NXF1: variants seen among roughly 807,000 people sequenced by gnomAD.
NXF1 encodes the protein mRNA export factor TAP.
Under a neutral mutation model 92.4 loss-of-function variants are expected in NXF1, and 43 were observed. That is an observed-to-expected ratio of 0.47 (90% CI 0.36 to 0.60). The LOEUF is 0.60. Among genes scored for constraint, NXF1 ranks in the 20% least tolerant of loss-of-function variants. The pLI, the probability that NXF1 is intolerant of heterozygous loss-of-function variation, is 0.00. For synonymous variants in NXF1, 288 were observed against 292.2 expected (o/e 0.99, Z 0.15); for missense variants, 576 against 793.0 (o/e 0.73, Z 3.29).
chr11:62,795,846 A>C, intron 17 of NXF1, 55 bp downstream of exon 17: 1 of 1,537,522 alleles, frequency 6.5e-7, no homozygotes, highest in South Asian at 1.1e-5. Context: ...TGCTGAGGAA[A>C]ATTCCAGCTG....
chr11:62,792,218 G>A lies in NXF1; in HGVS notation c.*258C>T. On this transcript the variant is annotated 3_prime_UTR_variant, in exon 21 of 21. Transcript: ENST00000294172. ...AAAAGTAAGGAGGTCCTGGGGTTAA[G>A]TACACAAAGCACCTAAGTCCTTCGG... is the stretch of plus-strand genomic sequence containing the variant. 2 of 655,876 alleles carry A rather than the reference G, an allele frequency of 3.0e-6. No individual in the cohort carries two copies. The highest frequency in any genetic ancestry group is 5.3e-6 in the Non-Finnish European group (2 of 379,224). 40.6% of individuals were successfully genotyped at this position (655,876 alleles called of 1,614,324 possible). A position where few individuals can be genotyped will look rare whatever the true frequency, so the allele number is the denominator to read the frequency against.
chr11:62,800,508 A>C (rs770220072), intron 9 of NXF1, 22 bp from the exon 10 acceptor site: 5 of 1,578,436 alleles, frequency 3.2e-6, no homozygotes, highest in Non-Finnish European at 4.3e-6. Context: ...GGAAGGAACA[A>C]AGGGAGGAGA....
At chr11:62,794,545 C>T (rs2084401579) in intron 18 of NXF1, 105 bp from the exon 19 acceptor site, 2 of 982,812 alleles carry the variant, frequency 2.0e-6, no homozygotes, top group East Asian at 2.5e-5. Flanking sequence ...CCCCCTCCCA[C>T]TCTTAGCTAT....
rs1402389110 is a variant in NXF1 at position 62,796,126 on chromosome 11, A to G, written c.1401T>C (p.Asn467=). The G allele has an allele frequency of 4.3e-6, 7 of 1,613,736 alleles. No individual in the cohort carries two copies. Among genetic ancestry groups the G allele is most frequent in the African/African-American group, 2.7e-5 (2 of 74,782 alleles). The change falls in exon 16 of 21, where the codon AAT becomes AAC. Residue 467 remains asparagine (N), a synonymous_variant. Transcript: ENST00000294172. ...HTRLNVVAFL[N]ELPKTQHDVN... The stretch of plus-strand genomic sequence containing the variant: ...CGTCGTGCTGGGTTTTGGGCAACTC[A>G]TTGAGGAAGGCAACAACGTTGAGAC...
Position 62,792,638 on chromosome 11 carries a change from T to C in NXF1, c.1821+3A>G. On this transcript the variant is annotated splice_donor_region_variant and intron_variant, in intron 20 of 20. Coordinates refer to ENST00000294172, the MANE Select transcript of NXF1 (RefSeq NM_006362.5). ...TTTTTGCCACTGTATTTCCAGACCT[T>C]ACCTTGAGATGAGTGAAGGCCTGGG... 4 of 1,614,156 alleles carry C rather than the reference T, an allele frequency of 2.5e-6. No homozygotes were observed. Among genetic ancestry groups the C allele is most frequent in the Non-Finnish European group, 3.4e-6 (4 of 1,180,020 alleles).
chr11:62,798,755 C>T (rs2084447736), intron 10 of NXF1, 180 bp from the exon 11 acceptor site: 2 of 1,418,448 alleles, frequency 1.4e-6, no homozygotes, highest in Non-Finnish European at 1.8e-6. Flanking sequence ...CCGGGGCACC[C>T]AGACATGGAC....
Position 62,802,028 on chromosome 11 carries a change from G to T in NXF1, c.472C>A (p.Arg158=). The T allele has an allele frequency of 1.9e-6, 3 of 1,614,122 alleles. No individual in the cohort carries two copies. Among genetic ancestry groups the T allele is most frequent in the Non-Finnish European group, 2.5e-6 (3 of 1,179,950 alleles). The change falls in exon 5 of 21, where the codon CGG becomes AGG. Residue 158 remains arginine, a synonymous_variant. Transcript: ENST00000294172. ...GCGTCTTCAACGAAGAACTGGGCCC[G>T]TGTATTCTCATAGTGAAACTACAAG... ...TPIEFHYENT[R]AQFFVEDAST... is the part of the protein sequence containing the mutation.
chr11:62,801,294 C>T, intron 8 of NXF1, 35 bp downstream of exon 8: 1 of 1,610,286 alleles, frequency 6.2e-7, no homozygotes, highest in Admixed American at 1.7e-5. Flanking sequence ...ACACACCCTG[C>T]TTCCTCATGC....
At position 62,803,861 on chromosome 11, in the gene NXF1, G is replaced by A. The variant is rs1315994012; in HGVS notation, c.146C>T (p.Ser49Phe). ...RSGRGGSGIR[S>F]SRLEEDDGDV... is the part of the protein sequence containing the mutation. ...TCCATCATCTTCCTCAAGGCGGGAA[G>A]ACCGAATACCAGAACCGCCTCTTCC... The change falls in exon 2 of 21, where the codon TCT becomes TTT. Residue 49 changes from serine (S) to phenylalanine (F), a missense_variant. Around this residue, in one of 2 missense-constraint regions of NXF1, gnomAD observed 151 missense variants for 157.8 expected, o/e 0.96. Coordinates refer to ENST00000294172, the MANE Select transcript of NXF1 (RefSeq NM_006362.5). The A allele has an allele frequency of 1.2e-6, 2 of 1,614,080 alleles. No homozygotes were observed. Among genetic ancestry groups the A allele is most frequent in the African/African-American group, 1.3e-5 (1 of 74,914 alleles).
Position 62,800,903 on chromosome 11 carries a change from T to C in NXF1, c.906+191A>G, listed in dbSNP as rs576584213. 2.6e-5 allele frequency among the ~76,000 whole-genome samples: 4 copies of C among 152,348 alleles called. No individual in the cohort carries two copies. The East Asian group carries it at 7.7e-4, about 29-fold the overall frequency. On this transcript the variant is annotated intron_variant, in intron 9 of 20. Coordinates refer to ENST00000294172, the MANE Select transcript of NXF1 (RefSeq NM_006362.5). ...TCCCACCTCAGCCCCCTGGGGCAGC[T>C]TGGACTAGAGGCGTGCAAACTCCTA...
At position 62,801,876 on chromosome 11, in the gene NXF1, C is replaced by A; in HGVS notation, c.559-57G>T. On this transcript the variant is annotated intron_variant, in intron 5 of 20. Transcript: ENST00000294172. The stretch of plus-strand genomic sequence containing the variant: ...TCTAGGGAAGCCTAAGCCGCAAGAA[C>A]AAGACCCAGTCCCTGCTCTGAGCAC... The A allele has an allele frequency of 5.0e-6, 8 of 1,604,488 alleles. No individual in the cohort carries two copies. In the South Asian group the frequency reaches 8.8e-5, roughly 18 times the overall value.
intron 20 of NXF1, 49 bp downstream of exon 20, chr11:62,792,592 G>C (rs1256660254): frequency 6.2e-7 from 1 of 1,613,650 alleles, no homozygotes; most frequent in East Asian, 2.2e-5. Flanking sequence ...CTGACCTCCT[G>C]GAGGCCCAGA....
In NXF1 at chr11:62,801,060, C is replaced by A. The variant is rs759329332; in HGVS notation, c.906+34G>T. The A allele has an allele frequency of 2.0e-6, 3 of 1,498,620 alleles. No homozygotes were observed. The Admixed American group carries it at 5.0e-5, about 25-fold the overall frequency. 92.8% of individuals were successfully genotyped at this position (1,498,620 alleles called of 1,614,324 possible). On this transcript the variant is annotated intron_variant, in intron 9 of 20. Coordinates refer to ENST00000294172, the MANE Select transcript of NXF1 (RefSeq NM_006362.5). Reference sequence around the variant, plus strand: ...AAACTCTCTACACCCTCTACCCACCCCTTCAAAAATATAGCCGAGCTATCA... The same window carrying A: ...AAACTCTCTACACCCTCTACCCACCACTTCAAAAATATAGCCGAGCTATCA...
intron 19 of NXF1, among the ~76,000 whole-genome samples, chr11:62,793,278 C>T (rs576914356): frequency 9.2e-5 from 14 of 152,208 alleles, no homozygotes; most frequent in Non-Finnish European, 1.3e-4. Flanking sequence ...GAGATTTCAC[C>T]ATGTTGTCCA....
chr11:62,794,919 A>G lies in NXF1; in HGVS notation c.1577+16T>C. 6.2e-7 allele frequency: 1 copy of G among 1,613,208 alleles called. No individual in the cohort carries two copies. Among genetic ancestry groups the G allele is most frequent in the East Asian group, 2.2e-5 (1 of 44,872 alleles). On this transcript the variant is annotated intron_variant, in intron 18 of 20. Transcript: ENST00000294172. ...GGATTAGGACTGGTATCCAATGCGA[A>G]AAGCAGAATACTTACCCTGAATTGC... is the stretch of plus-strand genomic sequence containing the variant.
intron 9 of NXF1, 100 bp from the exon 10 acceptor site, chr11:62,800,586 T>A: frequency 1.4e-6 from 1 of 695,744 alleles, no homozygotes; most frequent in Non-Finnish European, 2.3e-6. Flanking sequence ...AGATCTTTTC[T>A]AATCTTTTAA....
At chr11:62,801,248 C>G in intron 8 of NXF1, 47 bp from the exon 9 acceptor site, 1 of 1,605,220 alleles carries the variant, frequency 6.2e-7, no homozygotes, top group Non-Finnish European at 8.5e-7. Flanking sequence ...GCAAGTGGAT[C>G]AGAGACGAAT....
intron 11 of NXF1, among the ~76,000 whole-genome samples, chr11:62,797,974 C>CACAAAGAAATT (rs2084438306): frequency 6.6e-6 from 1 of 151,702 alleles, no homozygotes; most frequent in Admixed American, 6.6e-5. Flanking sequence ...ACTAAAAATA[C>CACAAAGAAATT]ACAAAGAAAT....
At chr11:62,799,370 G>T in intron 10 of NXF1, 1 of 985,822 alleles carries the variant, frequency 1.0e-6, no homozygotes, top group South Asian at 4.7e-5. Context: ...CCTGGGTCCC[G>T]ATCTGAACTG....
Sources: allele counts gnomAD v4.1 joint callset (sites outside exome capture counted in the v4.1 genomes callset), GRCh38; gene constraint gnomAD v4.1.1; regional missense constraint gnomAD v4.1.1; transcripts MANE v1.5; gene names NCBI Gene and HGNC (gene_info 2026-07-23, HGNC 2026-07-21).